PCDH15: variants seen among roughly 807,000 people sequenced by gnomAD.
PCDH15 encodes the protein protocadherin related 15.
PCDH15 carries 129 observed loss-of-function variants against 178.5 expected under a neutral mutation model. The ratio of observed to expected loss-of-function variants is 0.72; its 90% CI spans 0.63 to 0.84. The LOEUF (loss-of-function observed/expected upper bound fraction) is 0.84. Ranked by LOEUF, PCDH15 falls within the 40% of genes least tolerant of loss-of-function variation. PCDH15 has a pLI of 0.00. For missense variants in PCDH15, 2,230 were observed against 2,099.9 expected (o/e 1.06, Z -1.21); for synonymous variants, 800 against 732.0 (o/e 1.09, Z -1.50).
chr10:54,992,794 G>T (rs1839536283), intron 2 of PCDH15, among the ~76,000 whole-genome samples: 1 of 151,272 alleles, frequency 6.6e-6, no homozygotes, highest in Admixed American at 6.6e-5. Context: ...ATGAAGATAA[G>T]CAAAAATAAT....
At chr10:55,082,482 C>T (rs1233721161) in intron 2 of PCDH15, among the ~76,000 whole-genome samples, 5 of 149,570 alleles carry the variant, frequency 3.3e-5, no homozygotes, top group African/African-American at 1.2e-4. Flanking sequence ...AATACACAAC[C>T]TAACAATGCA....
chr10:53,902,011 T>C (rs78366082), intron 26 of PCDH15, among the ~76,000 whole-genome samples: 5 of 152,274 alleles, frequency 3.3e-5, no homozygotes, highest in African/African-American at 1.2e-4. Flanking sequence ...TTGCTCTATA[T>C]CAAACTTCTA....
chr10:54,483,272 T>C (rs11004333), intron 3 of PCDH15, among the ~76,000 whole-genome samples: 14,523 of 151,834 alleles, frequency 0.096, 887 homozygotes, highest in East Asian at 0.28. Flanking sequence ...GTCAAGTGAA[T>C]TTGGAATTAC....
intron 2 of PCDH15, among the ~76,000 whole-genome samples, chr10:55,433,884 CT>C (rs1838955484): frequency 6.6e-6 from 1 of 151,816 alleles, no homozygotes; most frequent in Admixed American, 6.6e-5. Context: ...TTGATCAATC[CT>C]TTTTTCTCCT....
chr10:55,505,826 T>C (rs960804370), intron 2 of PCDH15, among the ~76,000 whole-genome samples: 6 of 151,438 alleles, frequency 4.0e-5, no homozygotes, highest in Non-Finnish European at 8.9e-5. Context: ...TAAACATGTC[T>C]TAAGAGAATT....
intron 2 of PCDH15, among the ~76,000 whole-genome samples, chr10:55,120,491 G>T (rs1033575100): frequency 1.3e-5 from 2 of 152,022 alleles, no homozygotes; most frequent in Non-Finnish European, 2.9e-5. Flanking sequence ...GAAGCCCCAG[G>T]ACTGAGATCT....
intron 2 of PCDH15, among the ~76,000 whole-genome samples, chr10:55,135,574 C>CT (rs56956557): frequency 0.14 from 9,792 of 68,350 alleles, 1,672 homozygotes; most frequent in African/African-American, 0.23. Context: ...TCTTTTCTTT[C>CT]TTTTTTTTTT....
chr10:54,068,590 A>C (rs1325492059), intron 17 of PCDH15, among the ~76,000 whole-genome samples: 1 of 152,194 alleles, frequency 6.6e-6, no homozygotes, highest in Non-Finnish European at 1.5e-5. Flanking sequence ...CTAAGTTTCT[A>C]GAACATAAAT....
chr10:53,956,269 A>C (rs956989394), intron 23 of PCDH15, among the ~76,000 whole-genome samples: 9 of 152,100 alleles, frequency 5.9e-5, no homozygotes, highest in African/African-American at 1.9e-4. Flanking sequence ...ATCCCTAGTT[A>C]ATAAGGAGAG....
At chr10:54,660,565 T>C (rs2094475038) in intron 2 of PCDH15, among the ~76,000 whole-genome samples, 2 of 152,046 alleles carry the variant, frequency 1.3e-5, no homozygotes, top group African/African-American at 4.8e-5. Context: ...TTGTATAAAC[T>C]AATAAAAATA....
intron 2 of PCDH15, among the ~76,000 whole-genome samples, chr10:55,570,228 G>C (rs564753895): frequency 2.0e-5 from 3 of 151,892 alleles, no homozygotes; most frequent in South Asian, 4.2e-4. Context: ...GAAAAGACCT[G>C]GCAGGTGAAC....
intron 1 of PCDH15, among the ~76,000 whole-genome samples, chr10:54,778,987 C>T (rs1949990385): frequency 1.3e-5 from 2 of 152,022 alleles, no homozygotes; most frequent in East Asian, 3.9e-4. Context: ...TTTTAAATAA[C>T]TTATGCTGCT....
intron 2 of PCDH15, among the ~76,000 whole-genome samples, chr10:55,009,835 C>G (rs1051627981): frequency 1.4e-4 from 22 of 152,082 alleles, no homozygotes; most frequent in African/African-American, 3.9e-4. Context: ...ATGGGTAAAT[C>G]AATACTTTGC....
At chr10:54,569,160 A>G (rs1226514232) in intron 2 of PCDH15, among the ~76,000 whole-genome samples, 1 of 152,064 alleles carries the variant, frequency 6.6e-6, no homozygotes, top group East Asian at 1.9e-4. Flanking sequence ...GCTAATACAG[A>G]GTCAATATAT....
chr10:55,431,820 A>G (rs1838886438), intron 2 of PCDH15, among the ~76,000 whole-genome samples: 1 of 152,088 alleles, frequency 6.6e-6, no homozygotes, highest in Admixed American at 6.5e-5. Context: ...AAAATAGCCC[A>G]TATAGATTAG....
chr10:54,498,148 A>G (rs2137328595), intron 3 of PCDH15, among the ~76,000 whole-genome samples: 1 of 152,294 alleles, frequency 6.6e-6, no homozygotes, highest in South Asian at 2.1e-4. Context: ...CTGAGGTCCT[A>G]TATACAGCAT....
rs534223302 is a variant in PCDH15 at position 54,241,001 on chromosome 10, G to T, written c.877-4070C>A. Among the ~76,000 whole-genome samples the T allele has an allele frequency of 1.5e-3, 230 of 152,212 alleles. 1 individual carries two copies. Among genetic ancestry groups the T allele is most frequent in the African/African-American group, 5.1e-3 (210 of 41,546 alleles). ...ACAGAATTATTCTTGCCCATGAATT[G>T]AAATAATGTAATCATTTACAGGATT... On this transcript the variant is annotated intron_variant, in intron 8 of 37. Coordinates refer to ENST00000644397, the MANE Select transcript of PCDH15 (RefSeq NM_001384140.1).
At chr10:54,277,936 C>T (rs1480461325) in intron 8 of PCDH15, among the ~76,000 whole-genome samples, 3 of 151,352 alleles carry the variant, frequency 2.0e-5, no homozygotes, top group Admixed American at 6.6e-5. Context: ...AAGAAAATAG[C>T]ACACATTTGT....
intron 2 of PCDH15, among the ~76,000 whole-genome samples, chr10:55,027,193 T>C (rs4326703): frequency 0.46 from 69,595 of 151,644 alleles, 17,856 homozygotes; most frequent in East Asian, 0.75. Context: ...CGAGGGAGTT[T>C]TGTGTTTTTC....
Sources: allele counts gnomAD v4.1 joint callset (sites outside exome capture counted in the v4.1 genomes callset), GRCh38; gene constraint gnomAD v4.1.1; transcripts MANE v1.5; gene names NCBI Gene and HGNC (gene_info 2026-07-23, HGNC 2026-07-21).